CDK5RAP2: variants seen among roughly 807,000 people sequenced by gnomAD.
CDK5RAP2 encodes CDK5 regulatory subunit associated protein 2.
CDK5RAP2 carries 147 observed loss-of-function variants against 232.9 expected under a neutral mutation model. The ratio of observed to expected loss-of-function variants is 0.63; its 90% CI spans 0.55 to 0.72. CDK5RAP2 has a LOEUF of 0.72. Ranked by LOEUF, CDK5RAP2 falls within the 30% of genes least tolerant of loss-of-function variation. The pLI is 0.00. For missense variants in CDK5RAP2, 2,195 were observed against 2,231.5 expected (o/e 0.98, Z 0.33); for synonymous variants, 833 against 833.7 (o/e 1.00, Z 0.01).
At chr9:120,457,903 G>A (rs1425982662) in intron 20 of CDK5RAP2, among the ~76,000 whole-genome samples, 3 of 152,184 alleles carry the variant, frequency 2.0e-5, no homozygotes, top group Non-Finnish European at 4.4e-5. Flanking sequence ...GTTATGGATG[G>A]ACTAGGAAGA....
intron 36 of CDK5RAP2, among the ~76,000 whole-genome samples, chr9:120,393,371 C>T (rs2032172146): frequency 6.6e-6 from 1 of 152,208 alleles, no homozygotes; most frequent in South Asian, 2.1e-4. Context: ...CTTTTGCAGT[C>T]CAAACACTGG....
At chr9:120,523,906 G>T (rs574264120) in intron 11 of CDK5RAP2, among the ~76,000 whole-genome samples, 1 of 152,146 alleles carries the variant, frequency 6.6e-6, no homozygotes, top group South Asian at 2.1e-4. Context: ...TACAACATTG[G>T]GGGACGGAGG....
chr9:120,443,946 G>T lies in CDK5RAP2; in HGVS notation c.3026-204C>A, dbSNP rs575646695. Reference sequence around the variant, plus strand: ...AAATATACTGCAGCTTGTCTGAAATGGTTTAAGTCCAGGCTCTCAAAAAGC... The same window carrying T: ...AAATATACTGCAGCTTGTCTGAAATTGTTTAAGTCCAGGCTCTCAAAAAGC... On this transcript the variant is annotated intron_variant, in intron 22 of 37. Coordinates refer to ENST00000349780, the MANE Select transcript of CDK5RAP2 (RefSeq NM_018249.6). Among the ~76,000 whole-genome samples the T allele has an allele frequency of 3.9e-5, 6 of 152,210 alleles. No individual in the cohort carries two copies. In the South Asian group the frequency reaches 1.2e-3, roughly 32 times the overall value.
intron 7 of CDK5RAP2, among the ~76,000 whole-genome samples, chr9:120,535,981 G>C (rs893043131): frequency 1.3e-5 from 2 of 152,172 alleles, no homozygotes; most frequent in African/African-American, 4.8e-5. Context: ...TCCTCTGATA[G>C]TGCCAAGTAA....
chr9:120,430,590 A>T (rs1362001779), intron 25 of CDK5RAP2, among the ~76,000 whole-genome samples: 23 of 151,418 alleles, frequency 1.5e-4, no homozygotes, highest in Non-Finnish European at 2.2e-4. Context: ...TACAATGGCA[A>T]TCATTAAAAA....
chr9:120,394,953 C>A (rs934624469), intron 35 of CDK5RAP2, among the ~76,000 whole-genome samples: 1 of 152,168 alleles, frequency 6.6e-6, no homozygotes, highest in Non-Finnish European at 1.5e-5. Context: ...TGGCATTTCC[C>A]CCAAGGAATA....
chr9:120,415,698 T>C (rs1372299310), intron 27 of CDK5RAP2, among the ~76,000 whole-genome samples: 1 of 152,262 alleles, frequency 6.6e-6, no homozygotes, highest in Non-Finnish European at 1.5e-5. Context: ...CTTATTAGCA[T>C]GAGTATAAAT....
chr9:120,431,401 T>C (rs1259567901), intron 25 of CDK5RAP2, among the ~76,000 whole-genome samples: 1 of 152,232 alleles, frequency 6.6e-6, no homozygotes, highest in Non-Finnish European at 1.5e-5. Flanking sequence ...ACTTCCTGTC[T>C]GACTTAGACC....
rs771014048 is a variant in CDK5RAP2, at chr9:120,408,426, C to G, written c.4647G>C (p.Gln1549His). The change falls in exon 31 of 38, where the codon CAG becomes CAC. Residue 1549 changes from glutamine (Q) to histidine (H), a missense_variant. Physicochemically the swap from Gln to His is conservative, Grantham distance 24. Coordinates refer to ENST00000349780, the MANE Select transcript of CDK5RAP2 (RefSeq NM_018249.6). Reference protein sequence around the residue: ...EVKLRQQLLSQNDKLLQSLRV... With the variant: ...EVKLRQQLLSHNDKLLQSLRV... Reference sequence around the variant, plus strand: ...GGAGAGACTGCAATAGCTTGTCATTCTGTGAGAGCAGCTGCTGCCTCAACT... The same window carrying G: ...GGAGAGACTGCAATAGCTTGTCATTGTGTGAGAGCAGCTGCTGCCTCAACT... 2.7e-5 allele frequency: 43 copies of G among 1,614,142 alleles called. No homozygotes were observed. The highest frequency in any genetic ancestry group is 3.6e-5 in the Non-Finnish European group (43 of 1,179,988).
chr9:120,420,015 G>A (rs2035739362), intron 26 of CDK5RAP2, 55 bp from the exon 27 acceptor site: 2 of 1,418,984 alleles, frequency 1.4e-6, no homozygotes, highest in Non-Finnish European at 2.0e-6. Flanking sequence ...TCCCAAGCCA[G>A]GACTATGACT....
In CDK5RAP2 at chr9:120,487,289, C is replaced by G. The variant is rs373214350; in HGVS notation, c.1626+5G>C. 1.2e-6 allele frequency: 2 copies of G among 1,613,930 alleles called. No individual in the cohort carries two copies. Among genetic ancestry groups the G allele is most frequent in the African/African-American group, 2.7e-5 (2 of 74,928 alleles). On this transcript the variant is annotated splice_donor_5th_base_variant and intron_variant, in intron 14 of 37. Transcript: ENST00000349780. The stretch of plus-strand genomic sequence containing the variant: ...ATGTGAATGTCCAATTTCAGTCAAG[C>G]TTACCTTAGAGAAGATGGTTTTGCT...
At chr9:120,536,245 T>C (rs1270880843) in intron 7 of CDK5RAP2, 127 bp downstream of exon 7, 1 of 981,898 alleles carries the variant, frequency 1.0e-6, no homozygotes, top group Non-Finnish European at 1.6e-6. Context: ...CTTGTTCCCA[T>C]TAGTCACTCA....
chr9:120,535,655 T>C (rs766449182), intron 7 of CDK5RAP2, among the ~76,000 whole-genome samples: 3 of 152,248 alleles, frequency 2.0e-5, no homozygotes, highest in Non-Finnish European at 4.4e-5. Context: ...GTAAGGTTTA[T>C]GGTAAGGAAT....
At chr9:120,431,312 T>C (rs577987748) in intron 25 of CDK5RAP2, among the ~76,000 whole-genome samples, 4 of 152,098 alleles carry the variant, frequency 2.6e-5, no homozygotes, top group African/African-American at 9.6e-5. Context: ...TTGATAGGAG[T>C]GTGAAAAGCA....
At chr9:120,518,400 G>A (rs752451794) in intron 12 of CDK5RAP2, 27 bp downstream of exon 12, 2 of 1,591,216 alleles carry the variant, frequency 1.3e-6, no homozygotes, top group South Asian at 2.2e-5. Flanking sequence ...ACTGTCCACT[G>A]TGTCAGAAGG....
intron 3 of CDK5RAP2, among the ~76,000 whole-genome samples, chr9:120,566,376 G>A (rs942834967): frequency 3.9e-5 from 6 of 152,038 alleles, no homozygotes; most frequent in African/African-American, 1.4e-4. Context: ...AAACCTAACA[G>A]CAACCAAAGG....
At chr9:120,478,227 C>T (rs1317530233) in intron 14 of CDK5RAP2, among the ~76,000 whole-genome samples, 2 of 152,180 alleles carry the variant, frequency 1.3e-5, no homozygotes, top group Admixed American at 1.3e-4. Flanking sequence ...AGATAAATTG[C>T]ATACTGTAAG....
At chr9:120,507,841 A>G (rs551028120) in intron 12 of CDK5RAP2, among the ~76,000 whole-genome samples, 1 of 141,918 alleles carries the variant, frequency 7.0e-6, no homozygotes, top group Non-Finnish European at 1.5e-5. Context: ...TCACAGGTGC[A>G]CTCTGGACCA....
rs774673848 is a variant in CDK5RAP2 at position 120,406,997 on chromosome 9, AG to A, written c.4963+14del. On this transcript the variant is annotated intron_variant, in intron 32 of 37. Coordinates refer to ENST00000349780, the MANE Select transcript of CDK5RAP2 (RefSeq NM_018249.6). ...AGCTGCATTCTCAGCAAGTGGGGAG[AG>A]GCAGGGGCAGTACCGTGTTTGTCAG... 2 of 1,576,106 alleles carry A rather than the reference AG, an allele frequency of 1.3e-6. No individual in the cohort carries two copies. The highest frequency in any genetic ancestry group is 3.3e-5 in the Admixed American group (2 of 59,910).
Sources: allele counts gnomAD v4.1 joint callset (sites outside exome capture counted in the v4.1 genomes callset), GRCh38; gene constraint gnomAD v4.1.1; transcripts MANE v1.5; gene names NCBI Gene and HGNC (gene_info 2026-07-23, HGNC 2026-07-21).